Variants in IGSF5 observed in about 807,000 individuals in gnomAD.
IGSF5 encodes immunoglobulin superfamily member 5.
A neutral mutation model predicts 39.4 loss-of-function variants in IGSF5; 41 were observed. The ratio of observed to expected loss-of-function variants is 1.04; its 90% confidence interval spans 0.81 to 1.35. The LOEUF (loss-of-function observed/expected upper bound fraction) is 1.35, where lower values mean the gene tolerates loss of function less well. Among genes scored for constraint, IGSF5 ranks in the 40% most tolerant of loss-of-function variants. IGSF5 has a pLI of 0.00. For synonymous variants in IGSF5, 183 were observed against 175.3 expected, an observed-to-expected ratio of 1.04 and a Z score of -0.34; for missense variants, 487 against 494.6, an observed-to-expected ratio of 0.98 and a Z score of 0.15.
intron 7 of IGSF5, among the ~76,000 whole-genome samples, chr21:39,792,757 T>A (rs749258673): frequency 1.3e-5 from 2 of 152,036 alleles, no homozygotes; most frequent in Non-Finnish European, 2.9e-5. Context: ...TATGAGACAA[T>A]ACAGAGTGAT....
chr21:39,766,043 C>T (rs1254701896), intron 3 of IGSF5, among the ~76,000 whole-genome samples, 191 bp downstream of exon 3: 1 of 152,184 alleles, frequency 6.6e-6, no homozygotes, highest in Non-Finnish European at 1.5e-5. Context: ...GCTCTCCCTA[C>T]CTCCTCACTT....
At chr21:39,788,059 T>C in intron 5 of IGSF5, 108 bp from the exon 6 acceptor site, 1 of 799,322 alleles carries the variant, frequency 1.3e-6, no homozygotes. Flanking sequence ...GGGTCACAAA[T>C]ACTAATGTTG....
the IGSF5 span, among the ~76,000 whole-genome samples, chr21:39,733,338 G>A: frequency 6.6e-6 from 1 of 151,966 alleles, no homozygotes; most frequent in South Asian, 2.1e-4. Context: ...ATAATGTAGT[G>A]TTAAATTAAA....
At chr21:39,746,625 G>T (rs1235466) in intron 2 of IGSF5, among the ~76,000 whole-genome samples, 124,426 of 152,018 alleles carry the variant, frequency 0.82, 51,091 homozygotes, top group Admixed American at 0.86. Context: ...TCCAAAGAAG[G>T]TGGTCTCCCA....
At chr21:39,721,656 C>CA in the IGSF5 span, among the ~76,000 whole-genome samples, 9,581 of 151,646 alleles carry the variant, frequency 0.063, 552 homozygotes, top group East Asian at 0.22. Context: ...ATGATGACAC[C>CA]AAACCTGGCC....
At chr21:39,760,746 A>G (rs1379016152) in intron 2 of IGSF5, among the ~76,000 whole-genome samples, 1 of 152,032 alleles carries the variant, frequency 6.6e-6, no homozygotes, top group South Asian at 2.1e-4. Flanking sequence ...AATTTTTTGT[A>G]TTTTGAGTAG....
chr21:39,726,009 C>G, the IGSF5 span: 1 of 152,194 alleles, frequency 6.6e-6, no homozygotes, highest in African/African-American at 2.4e-5. Flanking sequence ...AGGAGCGTCT[C>G]AGAGAGTGGT....
the IGSF5 span, among the ~76,000 whole-genome samples, chr21:39,733,139 A>T: frequency 6.6e-5 from 10 of 152,326 alleles, no homozygotes; most frequent in African/African-American, 2.4e-4. Context: ...CCCTCTATGC[A>T]TACATAAATT....
the IGSF5 span, among the ~76,000 whole-genome samples, chr21:39,738,002 A>G: frequency 1.3e-5 from 2 of 152,180 alleles, no homozygotes; most frequent in African/African-American, 4.8e-5. This position sits in a 1 kb window ranked among gnomAD's most constrained non-coding sequence, Gnocchi z 6.4. Flanking sequence ...GATGGGAGTT[A>G]TGAGCCAGGA....
chr21:39,787,116 A>G (rs2086926779), intron 5 of IGSF5, among the ~76,000 whole-genome samples: 1 of 152,196 alleles, frequency 6.6e-6, no homozygotes, highest in African/African-American at 2.4e-5. Context: ...TAAAAAAAAA[A>G]TGCAATGGCA....
the IGSF5 span, among the ~76,000 whole-genome samples, chr21:39,714,092 A>G: frequency 6.6e-6 from 1 of 151,964 alleles, no homozygotes; most frequent in Non-Finnish European, 1.5e-5. Flanking sequence ...AGCTGCTCCT[A>G]CTCCTCTCTG....
intron 8 of IGSF5, among the ~76,000 whole-genome samples, chr21:39,797,747 T>G (rs1420127030): frequency 1.3e-5 from 2 of 152,094 alleles, no homozygotes; most frequent in African/African-American, 4.8e-5. Flanking sequence ...TCTTAAACTC[T>G]TGGCCTGAAG....
intron 6 of IGSF5, chr21:39,791,806 C>CT: frequency 2.0e-6 from 1 of 510,596 alleles, no homozygotes; most frequent in Admixed American, 3.3e-5. Flanking sequence ...ACTTTCATCT[C>CT]TCCCCATAAT....
At chr21:39,732,362 G>T in the IGSF5 span, among the ~76,000 whole-genome samples, 6 of 152,208 alleles carry the variant, frequency 3.9e-5, no homozygotes, top group Non-Finnish European at 5.9e-5. Context: ...TAACTTAAAT[G>T]AGACCATTAA....
At chr21:39,751,979 G>A (rs2837151) in intron 2 of IGSF5, among the ~76,000 whole-genome samples, 107,775 of 152,060 alleles carry the variant, frequency 0.71, 40,921 homozygotes, top group Non-Finnish European at 0.84. Flanking sequence ...AGTCCCTTGC[G>A]TGGTTTTTGT....
intron 2 of IGSF5, among the ~76,000 whole-genome samples, chr21:39,749,368 A>T (rs1459968444): frequency 6.6e-6 from 1 of 152,114 alleles, no homozygotes; most frequent in Non-Finnish European, 1.5e-5. Context: ...CCACATCACC[A>T]CGCCCGGCTA....
chr21:39,732,952 G>C, the IGSF5 span, among the ~76,000 whole-genome samples: 1 of 151,978 alleles, frequency 6.6e-6, no homozygotes, highest in Admixed American at 6.6e-5. Flanking sequence ...CTTGAGCCTG[G>C]GAGGTCAAGG....
intron 4 of IGSF5, 118 bp downstream of exon 4, chr21:39,771,333 G>C: frequency 1.1e-6 from 1 of 930,694 alleles, no homozygotes; most frequent in Non-Finnish European, 1.5e-6. Flanking sequence ...TTGATTTTGG[G>C]TGGGGATGAT....
At chr21:39,786,077 C>G (rs1275512354) in intron 5 of IGSF5, among the ~76,000 whole-genome samples, 2 of 151,992 alleles carry the variant, frequency 1.3e-5, no homozygotes, top group African/African-American at 4.8e-5. Flanking sequence ...ACACCAAAAG[C>G]AATGGCAACA....
Sources: gnomAD v4.1 joint callset for allele counts (sites outside exome capture counted in the v4.1 genomes callset) on GRCh38, gnomAD v4.1.1 for gene constraint, Gnocchi (gnomAD v3.1) non-coding constraint, MANE v1.5 for transcripts, NCBI Gene and HGNC (gene_info 2026-07-23, HGNC 2026-07-21) for gene names.